Variants in DAB1 observed in about 807,000 individuals in gnomAD.
DAB1 encodes the protein DAB adaptor protein 1.
Under a neutral mutation model 64.6 loss-of-function variants are expected in DAB1, and 15 were observed. The observed-to-expected ratio is 0.23, with a 90% confidence interval of 0.16 to 0.36. The LOEUF (loss-of-function observed/expected upper bound fraction) is 0.36. Ranked by LOEUF, DAB1 falls within the 10% of genes least tolerant of loss-of-function variation. The probability of loss-of-function intolerance (pLI) is 1.00; values close to 1 mark genes in which losing one functional copy is unlikely to be tolerated. For synonymous variants in DAB1, 235 were observed against 251.9 expected (o/e 0.93, Z 0.64); for missense variants, 596 against 706.7 (o/e 0.84, Z 1.78).
chr1:57,302,771 G>A (rs1673774983), intron 1 of DAB1, among the ~76,000 whole-genome samples: 1 of 152,048 alleles, frequency 6.6e-6, no homozygotes, highest in Non-Finnish European at 1.5e-5. Flanking sequence ...ACCCAGCTTG[G>A]CACAAGGAGA....
chr1:57,186,185 C>T (rs1663539355), intron 2 of DAB1, among the ~76,000 whole-genome samples: 1 of 152,154 alleles, frequency 6.6e-6, no homozygotes. Context: ...AATCAAACCT[C>T]TTTACTGACC....
intron 3 of DAB1, among the ~76,000 whole-genome samples, chr1:58,350,094 T>A (rs548048550): frequency 1.3e-5 from 2 of 152,354 alleles, no homozygotes; most frequent in Admixed American, 1.3e-4. Flanking sequence ...AGCATTCCTA[T>A]TTCTCCACAT....
intron 1 of DAB1, among the ~76,000 whole-genome samples, chr1:57,836,425 C>T (rs990379355): frequency 3.9e-5 from 6 of 152,164 alleles, no homozygotes; most frequent in African/African-American, 1.4e-4. Context: ...CACTCGTCAT[C>T]CTATCTCCTT....
chr1:57,337,885 CCCTT>C, intron 1 of DAB1, among the ~76,000 whole-genome samples: 1 of 74,266 alleles, frequency 1.3e-5, no homozygotes, highest in African/African-American at 4.4e-5. Flanking sequence ...CCCCTCCCTT[CCCTT>C]CCCTTCCCTT....
intron 14 of DAB1, among the ~76,000 whole-genome samples, chr1:57,005,221 G>T (rs139455743): frequency 2.0e-5 from 3 of 152,106 alleles, no homozygotes; most frequent in Non-Finnish European, 4.4e-5. Flanking sequence ...CTATTTCCCC[G>T]TCAATAATAA....
chr1:58,039,145 C>T (rs1291267222), intron 5 of DAB1, among the ~76,000 whole-genome samples: 2 of 152,124 alleles, frequency 1.3e-5, no homozygotes, highest in Non-Finnish European at 2.9e-5. Flanking sequence ...TAGCTAATTC[C>T]TAGAGATAGT....
At chr1:57,873,728 C>T (rs1362867456) in intron 1 of DAB1, among the ~76,000 whole-genome samples, 1 of 152,132 alleles carries the variant, frequency 6.6e-6, no homozygotes, top group African/African-American at 2.4e-5. Context: ...CCCTCTGTGC[C>T]TCAGTTTCCT....
At chr1:57,247,015 C>A (rs976437228) in intron 2 of DAB1, among the ~76,000 whole-genome samples, 1 of 152,150 alleles carries the variant, frequency 6.6e-6, no homozygotes, top group Non-Finnish European at 1.5e-5. Context: ...GGCAGAAGGA[C>A]TTGTCTTTTC....
chr1:57,498,870 C>T (rs1246182558), intron 7 of DAB1, among the ~76,000 whole-genome samples: 1 of 152,188 alleles, frequency 6.6e-6, no homozygotes, highest in African/African-American at 2.4e-5. Context: ...AGACATGTTT[C>T]AAAGGCTATG....
At chr1:58,180,154 A>G (rs942383186) in intron 4 of DAB1, among the ~76,000 whole-genome samples, 1 of 151,898 alleles carries the variant, frequency 6.6e-6, no homozygotes, top group African/African-American at 2.4e-5. Flanking sequence ...CCCACAGATA[A>G]CAAAAAACAA....
In DAB1 at chr1:57,562,296, CA is replaced by C. The variant is rs577355149; in HGVS notation, n.625+87295del. 9.5e-4 allele frequency among the ~76,000 whole-genome samples: 145 copies of C among 152,314 alleles called. 1 individual carries two copies. Among genetic ancestry groups the C allele is most frequent in the South Asian group, 1.9e-3 (9 of 4,830 alleles). ...GCTGAGGCAGGGGAATCGCTTGGAC[CA>C]GGGAGACAGAGGTTGCAATGAGCTG... On this transcript the variant is annotated intron_variant and non_coding_transcript_variant, in intron 7 of 20. Transcript: ENST00000485760.
chr1:57,172,675 A>G (rs1410440694), intron 2 of DAB1, among the ~76,000 whole-genome samples: 2 of 152,164 alleles, frequency 1.3e-5, no homozygotes, highest in African/African-American at 4.8e-5. Context: ...GGAAGCGATC[A>G]GGATTGGGAG....
In DAB1 at chr1:58,059,658, C is replaced by T. The variant is rs534996210; in HGVS notation, n.387+90853G>A. Among the ~76,000 whole-genome samples, 4 of 152,358 alleles carry T rather than the reference C, an allele frequency of 2.6e-5. No homozygotes were observed. In the East Asian group the frequency reaches 5.8e-4, roughly 22 times the overall value. ...ATGCAGTCCTCAACTTCAAGGAGCA[C>T]ACAGTCTAATGGCATAAACAAGCAA... is the stretch of plus-strand genomic sequence containing the variant. On this transcript the variant is annotated intron_variant and non_coding_transcript_variant, in intron 5 of 20. Transcript: ENST00000485760.
At chr1:57,102,487 A>G (rs1397863958) in intron 4 of DAB1, among the ~76,000 whole-genome samples, 1 of 152,220 alleles carries the variant, frequency 6.6e-6, no homozygotes, top group African/African-American at 2.4e-5. Context: ...GACTGACATG[A>G]TACTAAATTT....
Position 58,298,279 on chromosome 1 carries a change from T to C in DAB1, n.309+45073A>G, listed in dbSNP as rs183248730. Among the ~76,000 whole-genome samples the C allele has an allele frequency of 7.9e-5, 12 of 152,292 alleles. No homozygotes were observed. The East Asian group carries it at 2.3e-3, about 29-fold the overall frequency. On this transcript the variant is annotated intron_variant and non_coding_transcript_variant, in intron 4 of 20. Coordinates refer to the DAB1 transcript ENST00000485760. Reference sequence around the variant, plus strand: ...CAAATTCATGGCCACTTGTAACAGGTGCACAGGATTACATGTTAAAGTTTG... The same window carrying C: ...CAAATTCATGGCCACTTGTAACAGGCGCACAGGATTACATGTTAAAGTTTG...
chr1:57,631,183 G>T (rs1049355994), intron 7 of DAB1, among the ~76,000 whole-genome samples: 18 of 152,068 alleles, frequency 1.2e-4, no homozygotes. Flanking sequence ...TTATTGGGAT[G>T]GTCATGGAAG....
At chr1:57,825,520 A>T (rs1652306522), downstream of DAB1, among the ~76,000 whole-genome samples, 1 of 152,212 alleles carries the variant, frequency 6.6e-6, no homozygotes, top group Non-Finnish European at 1.5e-5. Flanking sequence ...AAGATGAAGG[A>T]TCATCACAGG....
chr1:58,359,523 T>C (rs1644143541), intron 3 of DAB1, among the ~76,000 whole-genome samples: 1 of 152,162 alleles, frequency 6.6e-6, no homozygotes, highest in African/African-American at 2.4e-5. Context: ...CAAGTCAAGT[T>C]AGTAAGTCTA....
chr1:58,467,074 G>T (rs573092190), intron 3 of DAB1, among the ~76,000 whole-genome samples: 20 of 152,346 alleles, frequency 1.3e-4, no homozygotes, highest in Non-Finnish European at 2.8e-4. Flanking sequence ...AGTCTGATAT[G>T]AACCTGACCT....
Sources: gnomAD v4.1 joint callset for allele counts (sites outside exome capture counted in the v4.1 genomes callset) on GRCh38, gnomAD v4.1.1 for gene constraint, MANE v1.5 for transcripts, NCBI Gene and HGNC (gene_info 2026-07-23, HGNC 2026-07-21) for gene names.